Variants in TRNT1 observed in about 807,000 individuals in gnomAD.
TRNT1 encodes tRNA nucleotidyl transferase 1, also known as CCA tRNA nucleotidyltransferase 1, mitochondrial.
TRNT1 carries 44 observed loss-of-function variants against 45.6 expected under a neutral mutation model. The observed-to-expected ratio is 0.97, with a 90% CI of 0.76 to 1.24. The LOEUF (loss-of-function observed/expected upper bound fraction) is 1.24, where lower values mean the gene tolerates loss of function less well. Among genes scored for constraint, TRNT1 ranks in the 50% most tolerant of loss-of-function variants. The pLI is 0.00. For missense variants in TRNT1, 633 were observed against 504.4 expected (o/e 1.25, Z -2.44); for synonymous variants, 201 against 171.4 (o/e 1.17, Z -1.35).
chr3:3,140,562 A>C lies in TRNT1; in HGVS notation c.395A>C (p.Asp132Ala), dbSNP rs773948765. 7 of 1,614,200 alleles carry C rather than the reference A, an allele frequency of 4.3e-6. No individual in the cohort carries two copies. In the Admixed American group the frequency reaches 1.2e-4, roughly 27 times the overall value. The stretch of plus-strand genomic sequence containing the variant: ...ACACTACGGATTGATGTCACCACTG[A>C]TGGAAGACATGCTGAGGTAGAATTT... ...ITTLRIDVTT[D>A]GRHAEVEFTT... The change falls in exon 4 of 8, where the codon GAT becomes GCT. Residue 132 changes from aspartate (D) to alanine (A), a missense_variant. Transcript: ENST00000251607.
At chr3:3,146,779 G>A (rs1217979545) in intron 6 of TRNT1, among the ~76,000 whole-genome samples, 156 bp downstream of exon 6, 1 of 152,160 alleles carries the variant, frequency 6.6e-6, no homozygotes, top group Non-Finnish European at 1.5e-5. Context: ...GGTAAGTTTT[G>A]TCGTGAGTAG....
chr3:3,153,317 T>TTTA, downstream of TRNT1: 1 of 709,792 alleles, frequency 1.4e-6, no homozygotes, highest in Non-Finnish European at 2.5e-6. Flanking sequence ...ATTTGCTAAA[T>TTTA]GTTTGTAACT....
chr3:3,149,098 T>C (rs1439681449), downstream of TRNT1: 1 of 152,118 alleles, frequency 6.6e-6, no homozygotes, highest in Non-Finnish European at 1.5e-5. Context: ...GTGTAGCCAG[T>C]CATAACATCT....
At chr3:3,137,010 TC>T (rs1347215868) in intron 2 of TRNT1, among the ~76,000 whole-genome samples, 1 of 152,206 alleles carries the variant, frequency 6.6e-6, no homozygotes, top group Non-Finnish European at 1.5e-5. Context: ...ATTGTGGAAT[TC>T]TGAATTATCT....
downstream of TRNT1, chr3:3,151,150 T>TAGAG (rs765561149): frequency 1.0e-5 from 12 of 1,186,086 alleles, no homozygotes; most frequent in South Asian, 1.3e-5. Context: ...TTCTAAGGAT[T>TAGAG]AGAGATTCTA....
chr3:3,144,082 TATTTC>T (rs1330114339), intron 4 of TRNT1, among the ~76,000 whole-genome samples: 1 of 152,246 alleles, frequency 6.6e-6, no homozygotes, highest in Non-Finnish European at 1.5e-5. Context: ...CATACAGGCA[TATTTC>T]ATTTTTTATG....
At chr3:3,139,453 C>T (rs1705512939) in intron 3 of TRNT1, among the ~76,000 whole-genome samples, 3 of 152,190 alleles carry the variant, frequency 2.0e-5, no homozygotes, top group Non-Finnish European at 4.4e-5. Flanking sequence ...TAAAGACATT[C>T]CTAACTCTTG....
At chr3:3,128,463 G>A (rs1473595819) in intron 1 of TRNT1, among the ~76,000 whole-genome samples, 1 of 152,082 alleles carries the variant, frequency 6.6e-6, no homozygotes. Flanking sequence ...GCCGGATGTG[G>A]TGGTGTGCGC....
chr3:3,144,849 CTATGACT>C (rs1705887577), intron 5 of TRNT1, 139 bp downstream of exon 5: 2 of 759,154 alleles, frequency 2.6e-6, no homozygotes, highest in Admixed American at 8.9e-5. Context: ...ACCTAGCACC[CTATGACT>C]TATGAGTGAA....
At position 3,129,115 on chromosome 3, in the gene TRNT1, G is replaced by T. The variant is rs754086954; in HGVS notation, c.75G>T (p.Gln25His). Residue 25 changes from glutamine (Q) to histidine (H), a missense_variant, in exon 2 of 8, where the codon CAG becomes CAT. Gln to His is a conservative substitution (Grantham distance 24, BLOSUM62 0). Transcript: ENST00000251607. ...RRWSRLCLPKQYLFTMKLQSP... is the reference protein window; with the variant it reads ...RRWSRLCLPKHYLFTMKLQSP... Reference sequence around the variant, plus strand: ...GGAGTAGGCTGTGCCTTCCGAAGCAGTATCTATTCACAATGAAGTTGCAGT... The same window carrying T: ...GGAGTAGGCTGTGCCTTCCGAAGCATTATCTATTCACAATGAAGTTGCAGT... 2.5e-6 allele frequency: 4 copies of T among 1,613,920 alleles called. No homozygotes were observed. The East Asian group carries it at 8.9e-5, about 36-fold the overall frequency.
Position 3,137,390 on chromosome 3 carries a change from T to G in TRNT1, c.279T>G (p.Phe93Leu). ...TATPTQMKEM[F>L]QSAGIRMINN... is the part of the protein sequence containing the mutation. The stretch of plus-strand genomic sequence containing the variant: ...CCCCTACTCAAATGAAGGAGATGTT[T>G]CAGTCGGCTGGGATTCGGATGATAA... Residue 93 changes from phenylalanine (F) to leucine (L), a missense_variant, in exon 3 of 8, where the codon TTT becomes TTG. Transcript: ENST00000251607. The G allele has an allele frequency of 6.2e-7, 1 of 1,613,970 alleles. No homozygotes were observed. Among genetic ancestry groups the G allele is most frequent in the Non-Finnish European group, 8.5e-7 (1 of 1,179,920 alleles).
chr3:3,129,113 C>G lies in TRNT1; in HGVS notation c.73C>G (p.Gln25Glu), dbSNP rs1415152805. 6.2e-7 allele frequency: 1 copy of G among 1,613,954 alleles called. No homozygotes were observed. Among genetic ancestry groups the G allele is most frequent in the Non-Finnish European group, 8.5e-7 (1 of 1,179,950 alleles). Residue 25 changes from glutamine to glutamate, a missense_variant, in exon 2 of 8, where the codon CAG becomes GAG. Physicochemically the swap from Gln to Glu is conservative, Grantham distance 29. Transcript: ENST00000251607. ...RRWSRLCLPK[Q>E]YLFTMKLQSP... The stretch of plus-strand genomic sequence containing the variant: ...GTGGAGTAGGCTGTGCCTTCCGAAG[C>G]AGTATCTATTCACAATGAAGTTGCA...
At position 3,144,525 on chromosome 3, in the gene TRNT1, G is replaced by A; in HGVS notation, c.482-59G>A. On this transcript the variant is annotated intron_variant, in intron 4 of 7. Coordinates refer to ENST00000251607, the MANE Select transcript of TRNT1 (RefSeq NM_182916.3). ...GTGATAGTGTTTAGCTGATTTTCTT[G>A]TGTTTTCAAATTCTTATTTGCCAAT... is the stretch of plus-strand genomic sequence containing the variant. 4 of 1,487,564 alleles carry A rather than the reference G, an allele frequency of 2.7e-6. No individual in the cohort carries two copies. In the South Asian group the frequency reaches 4.8e-5, roughly 18 times the overall value. 92.1% of individuals were successfully genotyped at this position (1,487,564 alleles called of 1,614,324 possible).
At chr3:3,144,237 G>A (rs1013951816) in intron 4 of TRNT1, among the ~76,000 whole-genome samples, 13 of 152,052 alleles carry the variant, frequency 8.5e-5, no homozygotes, top group African/African-American at 3.1e-4. Context: ...ATCCTGTTAC[G>A]TATTTTTTCC....
chr3:3,146,426 G>C lies in TRNT1; in HGVS notation c.609-4G>C, dbSNP rs752207207. 3.7e-6 allele frequency: 6 copies of C among 1,603,970 alleles called. No homozygotes were observed. In the East Asian group the frequency reaches 8.9e-5, roughly 24 times the overall value. On this transcript the variant is annotated splice_region_variant and splice_polypyrimidine_tract_variant and intron_variant, in intron 5 of 7. Transcript: ENST00000251607. ...TAATACCCTGTGAAGATTTTGTCTT[G>C]TAGGTTTTATGGGAGAATTGTAGAC... is the stretch of plus-strand genomic sequence containing the variant.
At chr3:3,132,743 A>AC (rs1183401862) in intron 2 of TRNT1, among the ~76,000 whole-genome samples, 13 of 127,626 alleles carry the variant, frequency 1.0e-4, no homozygotes, top group African/African-American at 3.6e-4. Flanking sequence ...AAAAAAAAAA[A>AC]ACACAAAAAA....
rs74803046 is a variant in TRNT1, at chr3:3,129,587, A to G, written c.148+399A>G. The G allele has an allele frequency of 8.9e-3, 4,106 of 462,914 alleles. 39 individuals carry two copies. The highest frequency in any genetic ancestry group is 0.02 in the African/African-American group (993 of 50,886). The allele number at this position is 462,914 out of a possible 1,614,324, so 28.7% of individuals were successfully genotyped here. ...ACAGAGTGAGACCCTGTCTCAAAAA[A>G]AGAGAAAGGAATATTAAAAGAGAAA... is the stretch of plus-strand genomic sequence containing the variant. On this transcript the variant is annotated intron_variant, in intron 2 of 7. Transcript: ENST00000251607.
At chr3:3,142,817 C>G (rs1259987166) in intron 4 of TRNT1, among the ~76,000 whole-genome samples, 2 of 152,162 alleles carry the variant, frequency 1.3e-5, no homozygotes, top group African/African-American at 2.4e-5. Flanking sequence ...ATATTATTTG[C>G]TACTTTGTGA....
downstream of TRNT1, among the ~76,000 whole-genome samples, chr3:3,151,502 A>AAAACTAC (rs3840225): frequency 1.3e-5 from 2 of 151,800 alleles, no homozygotes; most frequent in Non-Finnish European, 2.9e-5. Context: ...GTAAATATTT[A>AAAACTAC]TATTCTAAAA....
Sources: gnomAD v4.1 joint callset for allele counts (sites outside exome capture counted in the v4.1 genomes callset) on GRCh38, gnomAD v4.1.1 for gene constraint, MANE v1.5 for transcripts, NCBI Gene and HGNC (gene_info 2026-07-23, HGNC 2026-07-21) for gene names.